The following TMEM114 variants were observed in gnomAD, a reference collection of about 807,000 sequenced individuals.
The protein encoded by TMEM114 is claudin-26.
TMEM114 carries 6 observed loss-of-function variants against 6.2 expected under a neutral mutation model. The ratio of observed to expected loss-of-function variants is 0.97; its 90% CI spans 0.53 to 1.91. The LOEUF (loss-of-function observed/expected upper bound fraction) is 1.91, where lower values mean the gene tolerates loss of function less well. Among genes scored for constraint, TMEM114 ranks in the 40% most tolerant of loss-of-function variants. The probability of loss-of-function intolerance (pLI) is 0.01; values close to 1 mark genes in which losing one functional copy is unlikely to be tolerated. For missense variants in TMEM114, 218 were observed against 158.3 expected (o/e 1.38, Z -2.02); for synonymous variants, 104 against 73.0 (o/e 1.42, Z -2.16).
At chr16:8,536,784 G>C (rs1047905003), downstream of TMEM114, among the ~76,000 whole-genome samples, 2 of 152,128 alleles carry the variant, frequency 1.3e-5, no homozygotes, top group African/African-American at 2.4e-5. Flanking sequence ...AATCACCACT[G>C]TTCATGGTCT....
the TMEM114 span, among the ~76,000 whole-genome samples, chr16:8,527,568 G>C: frequency 6.6e-6 from 1 of 152,078 alleles, no homozygotes; most frequent in Non-Finnish European, 1.5e-5. Context: ...GGAATTTTGC[G>C]TGTTTTTAGC....
At chr16:8,550,902 A>G (rs944601724) in intron 2 of TMEM114, among the ~76,000 whole-genome samples, 35 of 152,194 alleles carry the variant, frequency 2.3e-4, no homozygotes, top group Admixed American at 2.2e-3. Flanking sequence ...AGAGAACCGC[A>G]GTAGAAGACT....
chr16:8,531,324 G>C, the TMEM114 span, among the ~76,000 whole-genome samples: 1 of 152,118 alleles, frequency 6.6e-6, no homozygotes, highest in Non-Finnish European at 1.5e-5. Flanking sequence ...CAATAATTTA[G>C]TTTCTCATAT....
chr16:8,556,756 G>C (rs992699150), intron 2 of TMEM114, among the ~76,000 whole-genome samples: 1 of 152,184 alleles, frequency 6.6e-6, no homozygotes, highest in Non-Finnish European at 1.5e-5. Context: ...ACCCGCCTCA[G>C]CCTCCCAAAG....
chr16:8,536,118 G>C (rs1036515895), downstream of TMEM114, among the ~76,000 whole-genome samples: 1 of 151,822 alleles, frequency 6.6e-6, no homozygotes, highest in Admixed American at 6.6e-5. Context: ...CCAGCTACTC[G>C]GGAGGCTGAG....
intron 2 of TMEM114, among the ~76,000 whole-genome samples, chr16:8,574,852 A>G (rs1015611032): frequency 2.0e-5 from 3 of 152,126 alleles, no homozygotes; most frequent in Non-Finnish European, 4.4e-5. Flanking sequence ...AGAGCAAGCC[A>G]CCCAGGAGAG....
intron 2 of TMEM114, among the ~76,000 whole-genome samples, chr16:8,561,535 G>C (rs1224950581): frequency 6.6e-6 from 1 of 152,184 alleles, no homozygotes; most frequent in Non-Finnish European, 1.5e-5. Flanking sequence ...TAAATCCTTG[G>C]TGTTTCAAAC....
At chr16:8,534,455 T>C (rs994945115), downstream of TMEM114, among the ~76,000 whole-genome samples, 1 of 152,120 alleles carries the variant, frequency 6.6e-6, no homozygotes, top group Non-Finnish European at 1.5e-5. Context: ...TAGAATTGCT[T>C]TGAGGGCTAA....
At chr16:8,556,980 G>C (rs147462424) in intron 2 of TMEM114, among the ~76,000 whole-genome samples, 1 of 152,162 alleles carries the variant, frequency 6.6e-6, no homozygotes, top group African/African-American at 2.4e-5. Context: ...GTTGGATTTT[G>C]CTGGGGACCA....
At chr16:8,562,654 G>A (rs1368827338) in intron 2 of TMEM114, among the ~76,000 whole-genome samples, 4 of 151,612 alleles carry the variant, frequency 2.6e-5, no homozygotes, top group African/African-American at 7.3e-5. Context: ...GTGAATGAAT[G>A]AGTCAATGAA....
At chr16:8,578,884 C>G (rs1293281014) in intron 2 of TMEM114, among the ~76,000 whole-genome samples, 2 of 152,116 alleles carry the variant, frequency 1.3e-5, no homozygotes, top group Non-Finnish European at 2.9e-5. Flanking sequence ...GAGGCTGAGG[C>G]AGGAGAATCG....
At chr16:8,553,161 T>C (rs760669714) in intron 2 of TMEM114, among the ~76,000 whole-genome samples, 15 of 152,154 alleles carry the variant, frequency 9.9e-5, no homozygotes, top group Non-Finnish European at 1.8e-4. Context: ...GCCGTTTCAT[T>C]CCTCTGGTCT....
downstream of TMEM114, among the ~76,000 whole-genome samples, chr16:8,564,688 AGTGAATGAGTG>A (rs1901463304): frequency 2.4e-5 from 3 of 127,290 alleles, no homozygotes; most frequent in African/African-American, 8.3e-5. Context: ...TGAATGAGTG[AGTGAATGAGTG>A]AGTGAGTGAA....
chr16:8,556,768 G>T (rs1901023942), intron 2 of TMEM114, among the ~76,000 whole-genome samples: 1 of 152,204 alleles, frequency 6.6e-6, no homozygotes, highest in African/African-American at 2.4e-5. Context: ...CTCCCAAAGT[G>T]CCAGGATTAT....
chr16:8,569,395 C>G, downstream of TMEM114: 2 of 1,024,090 alleles, frequency 2.0e-6, no homozygotes, highest in African/African-American at 1.7e-5. Context: ...GTAGGGCACC[C>G]TCTCCCTTTC....
chr16:8,528,397 G>A, the TMEM114 span, among the ~76,000 whole-genome samples: 1 of 152,124 alleles, frequency 6.6e-6, no homozygotes, highest in Non-Finnish European at 1.5e-5. Flanking sequence ...CTAGTTAATA[G>A]GCATCAACAC....
intron 2 of TMEM114, among the ~76,000 whole-genome samples, chr16:8,547,706 C>G (rs534778712): frequency 6.6e-6 from 1 of 152,254 alleles, no homozygotes; most frequent in African/African-American, 2.4e-5. Flanking sequence ...GCTCTCTTTA[C>G]TGAACACAAA....
In TMEM114 at chr16:8,548,694, G is replaced by GTGTATATATATATATATATATATATA. The variant is rs1555461967; in HGVS notation, n.213-10869_213-10868insTATATATATATATATATATATATACA. Among the ~76,000 whole-genome samples, 34 of 140,002 alleles carry GTGTATATATATATATATATATATATA rather than the reference G, an allele frequency of 2.4e-4. 1 individual carries two copies. Among genetic ancestry groups the GTGTATATATATATATATATATATATA allele is most frequent in the Non-Finnish European group, 3.7e-4 (24 of 64,290 alleles). 91.8% of individuals were successfully genotyped at this position (140,002 alleles called of 152,430 possible). A position where few individuals can be genotyped will look rare whatever the true frequency, so the allele number is the denominator to read the frequency against. ...AGAGAAGTGAGCTAAAAATTGCCAT[G>GTGTATATATATATATATATATATATA]TATATATATACACAGAAAAAAAATA... On this transcript the variant is annotated intron_variant and non_coding_transcript_variant, in intron 2 of 2. Transcript: ENST00000623677.
At chr16:8,579,314 G>T (rs934417162) in intron 2 of TMEM114, among the ~76,000 whole-genome samples, 12 of 152,132 alleles carry the variant, frequency 7.9e-5, no homozygotes, top group Admixed American at 2.0e-4. Flanking sequence ...AAAAGAAGAA[G>T]GTCCCAGGAT....
Sources: gnomAD v4.1 joint callset for allele counts (sites outside exome capture counted in the v4.1 genomes callset) on GRCh38, gnomAD v4.1.1 for gene constraint, MANE v1.5 for transcripts, NCBI Gene and HGNC (gene_info 2026-07-23, HGNC 2026-07-21) for gene names.